Variants in SGCZ observed in about 807,000 individuals in gnomAD.
SGCZ encodes zeta-sarcoglycan.
SGCZ carries 40 observed loss-of-function variants against 41.3 expected under a neutral mutation model. That is an observed-to-expected ratio of 0.97 (90% confidence interval 0.75 to 1.26). The LOEUF is 1.26. Ranked by LOEUF, SGCZ falls within the 50% of genes most tolerant of loss-of-function variation. The pLI is 0.00. For synonymous variants in SGCZ, 206 were observed against 137.5 expected, an observed-to-expected ratio of 1.50 and a Z score of -3.49; for missense variants, 552 against 369.8, an observed-to-expected ratio of 1.49 and a Z score of -4.04.
chr8:14,547,607 C>T (rs1031457435), intron 2 of SGCZ, among the ~76,000 whole-genome samples: 1 of 152,108 alleles, frequency 6.6e-6, no homozygotes, highest in Non-Finnish European at 1.5e-5. Context: ...TGAGTGTTTA[C>T]TCTAAGGTCT....
intron 1 of SGCZ, among the ~76,000 whole-genome samples, chr8:14,576,421 G>A (rs1804714271): frequency 6.6e-6 from 1 of 152,180 alleles, no homozygotes; most frequent in African/African-American, 2.4e-5. Flanking sequence ...AACAAGAGGA[G>A]CCATATAGTA....
intron 5 of SGCZ, among the ~76,000 whole-genome samples, chr8:14,115,704 C>A (rs193075512): frequency 6.6e-6 from 1 of 151,472 alleles, no homozygotes; most frequent in African/African-American, 2.4e-5. Flanking sequence ...TCCTTGATAA[C>A]CTCTATCATT....
intron 2 of SGCZ, among the ~76,000 whole-genome samples, chr8:14,413,440 T>C (rs1253534577): frequency 1.3e-5 from 2 of 151,944 alleles, no homozygotes; most frequent in Non-Finnish European, 2.9e-5. Flanking sequence ...AAGGAAAGAG[T>C]TCTTTCCTCT....
At chr8:14,133,967 C>A (rs1029861051) in intron 5 of SGCZ, among the ~76,000 whole-genome samples, 4 of 152,102 alleles carry the variant, frequency 2.6e-5, no homozygotes, top group African/African-American at 7.2e-5. Context: ...GTGTGTATTG[C>A]AATTTTACTT....
At chr8:14,762,472 GTTAAT>G (rs1397849688) in intron 1 of SGCZ, among the ~76,000 whole-genome samples, 2 of 152,172 alleles carry the variant, frequency 1.3e-5, no homozygotes, top group South Asian at 2.1e-4. Context: ...AGGTAAAGGG[GTTAAT>G]TTATGTGAAG....
intron 1 of SGCZ, among the ~76,000 whole-genome samples, chr8:15,042,268 G>A (rs1804129028): frequency 6.6e-6 from 1 of 152,142 alleles, no homozygotes; most frequent in Non-Finnish European, 1.5e-5. Flanking sequence ...GAAAGCTAAT[G>A]CCTAGCTGAC....
At chr8:14,177,112 G>A (rs1390284878) in intron 4 of SGCZ, among the ~76,000 whole-genome samples, 1 of 152,136 alleles carries the variant, frequency 6.6e-6, no homozygotes, top group African/African-American at 2.4e-5. Context: ...ATCCTGGAGT[G>A]GTCAGCAACA....
chr8:14,688,395 G>T lies in SGCZ; in HGVS notation c.40-133469C>A, dbSNP rs187009061. 5.7e-4 allele frequency among the ~76,000 whole-genome samples: 86 copies of T among 152,140 alleles called. 2 individuals are homozygous for T. The highest frequency in any genetic ancestry group is 4.1e-3 in the Admixed American group (62 of 15,246). On this transcript the variant is annotated intron_variant, in intron 1 of 7. Transcript: ENST00000382080. ...TAGAAGGTGTAAGGAAGGGATCCAG[G>T]TTCAGCTTTCTACCTATGGCTAGCC... is the stretch of plus-strand genomic sequence containing the variant.
At chr8:14,724,686 G>A (rs10099832) in intron 1 of SGCZ, among the ~76,000 whole-genome samples, 8,986 of 79,358 alleles carry the variant, frequency 0.11, 765 homozygotes, top group African/African-American at 0.26. Context: ...TTATCACTAA[G>A]TGATATATAT....
intron 6 of SGCZ, among the ~76,000 whole-genome samples, chr8:14,104,119 G>A (rs181593594): frequency 2.0e-3 from 311 of 152,024 alleles, no homozygotes; most frequent in Non-Finnish European, 3.5e-3. Context: ...ATAAAATATC[G>A]TCTAAAAAGC....
intron 2 of SGCZ, among the ~76,000 whole-genome samples, chr8:14,413,342 A>G (rs1799411335): frequency 7.5e-6 from 1 of 134,034 alleles, no homozygotes; most frequent in Non-Finnish European, 1.6e-5. Context: ...CCTCAATGAT[A>G]TCCTTACTTT....
intron 1 of SGCZ, among the ~76,000 whole-genome samples, chr8:14,708,294 A>G (rs1809395821): frequency 6.6e-6 from 1 of 152,026 alleles, no homozygotes; most frequent in African/African-American, 2.4e-5. Flanking sequence ...TTTTCATAGA[A>G]TATTAATTTA....
intron 3 of SGCZ, among the ~76,000 whole-genome samples, chr8:14,310,851 G>A (rs1801516205): frequency 6.6e-6 from 1 of 152,098 alleles, no homozygotes; most frequent in South Asian, 2.1e-4. Context: ...AAAACCAGTA[G>A]TAGCAAGCTT....
intron 4 of SGCZ, among the ~76,000 whole-genome samples, chr8:14,219,641 G>T (rs1000385065): frequency 6.6e-6 from 1 of 152,146 alleles, no homozygotes; most frequent in African/African-American, 2.4e-5. Context: ...CAACTTTTCG[G>T]GAAGCTGAGG....
intron 1 of SGCZ, among the ~76,000 whole-genome samples, chr8:14,608,569 G>C (rs995352549): frequency 6.6e-6 from 1 of 152,086 alleles, no homozygotes; most frequent in African/African-American, 2.4e-5. Flanking sequence ...ACTCATTACC[G>C]TGGGGAAGGC....
At chr8:14,376,183 C>T (rs1029943169) in intron 2 of SGCZ, among the ~76,000 whole-genome samples, 4 of 149,322 alleles carry the variant, frequency 2.7e-5, no homozygotes, top group Admixed American at 6.6e-5. Context: ...TGGTGGCGGC[C>T]GCCTGTAGAC....
intron 1 of SGCZ, among the ~76,000 whole-genome samples, chr8:15,198,024 T>G (rs1437987173): frequency 6.7e-6 from 1 of 148,574 alleles, no homozygotes; most frequent in African/African-American, 2.4e-5. Flanking sequence ...ATATATGTAT[T>G]ATGTTACATT....
At chr8:14,381,355 C>T (rs1299884730) in intron 2 of SGCZ, among the ~76,000 whole-genome samples, 1 of 152,178 alleles carries the variant, frequency 6.6e-6, no homozygotes, top group Admixed American at 6.5e-5. Flanking sequence ...AGAAATTATT[C>T]AGGTCCAGCC....
intron 4 of SGCZ, among the ~76,000 whole-genome samples, chr8:14,196,404 G>C (rs1180341717): frequency 6.6e-6 from 1 of 151,948 alleles, no homozygotes. Context: ...CAGAAAGAGA[G>C]ACAATAACAA....
Sources: allele counts gnomAD v4.1 joint callset (sites outside exome capture counted in the v4.1 genomes callset), GRCh38; gene constraint gnomAD v4.1.1; transcripts MANE v1.5; gene names NCBI Gene and HGNC (gene_info 2026-07-23, HGNC 2026-07-21).